The following POLK variants were observed in gnomAD, a reference collection of about 807,000 sequenced individuals.
POLK encodes the protein polymerase (DNA directed) kappa.
A neutral mutation model predicts 94.0 loss-of-function variants in POLK; 76 were observed. The observed-to-expected ratio is 0.81, with a 90% CI of 0.67 to 0.98. The LOEUF is 0.98. Among genes scored for constraint, POLK ranks in the 50% least tolerant of loss-of-function variants. POLK has a pLI of 0.00. For synonymous variants in POLK, 349 were observed against 325.4 expected (o/e 1.07, Z -0.78); for missense variants, 954 against 1,010.1 (o/e 0.94, Z 0.75).
intron 1 of POLK, among the ~76,000 whole-genome samples, chr5:75,522,616 T>G (rs1315104631): frequency 2.0e-5 from 3 of 152,192 alleles, no homozygotes; most frequent in Non-Finnish European, 4.4e-5. Context: ...ATAAAAATGA[T>G]TTCTTTTCCT....
intron 1 of POLK, among the ~76,000 whole-genome samples, chr5:75,546,624 C>G (rs1770036505): frequency 9.5e-6 from 1 of 105,472 alleles, no homozygotes; most frequent in African/African-American, 3.7e-5. Context: ...CCCACCCCAC[C>G]CCCCACCCCC....
At chr5:75,514,162 G>C (rs1005199244) in intron 1 of POLK, among the ~76,000 whole-genome samples, 9 of 152,102 alleles carry the variant, frequency 5.9e-5, no homozygotes, top group Non-Finnish European at 1.3e-4. Context: ...ATGATAATCT[G>C]ACTGGGGTGC....
chr5:75,584,834 A>G (rs751546391), exon 9 of POLK: 1 of 1,601,418 alleles, frequency 6.2e-7, no homozygotes, highest in Non-Finnish European at 8.6e-7. Flanking sequence ...AACTTTACCA[A>G]CAGAGGGCAT....
Position 75,559,505 on chromosome 5 carries a change from G to GTTTTTTTTTTTTTTT in POLK, c.255+6921_255+6922insTTTTTTTTTTTTTTT, listed in dbSNP as rs1561371144. Among the ~76,000 whole-genome samples, 13 of 70,108 alleles carry GTTTTTTTTTTTTTTT rather than the reference G, an allele frequency of 1.9e-4. 1 individual carries two copies. The highest frequency in any genetic ancestry group is 8.7e-4 in the East Asian group (2 of 2,312). The allele number at this position is 70,108 out of a possible 152,430, so 46.0% of individuals were successfully genotyped here. The stretch of plus-strand genomic sequence containing the variant: ...TTGGCAATTTATTGATTTGGGGTTT[G>GTTTTTTTTTTTTTTT]TTTTTTTGTTTTGTTTTGTTTTTTT... On this transcript the variant is annotated intron_variant, in intron 3 of 14. Transcript: ENST00000241436.
intron 11 of POLK, among the ~76,000 whole-genome samples, chr5:75,592,652 G>T (rs1042944129): frequency 6.6e-6 from 1 of 151,652 alleles, no homozygotes; most frequent in East Asian, 1.9e-4. Context: ...CCAAGATCCC[G>T]CCACTGCACT....
upstream of POLK, chr5:75,511,142 C>A: frequency 3.7e-6 from 6 of 1,605,692 alleles, no homozygotes; most frequent in Non-Finnish European, 5.1e-6. Flanking sequence ...GCTCCACAGG[C>A]GGCCCAGACT....
chr5:75,586,635 T>C (rs1345447637), intron 9 of POLK, among the ~76,000 whole-genome samples: 2 of 152,202 alleles, frequency 1.3e-5, no homozygotes, highest in Non-Finnish European at 1.5e-5. Context: ...GAAGTTAATA[T>C]ACTAAACCAA....
At chr5:75,544,230 A>G (rs1444199471) in intron 1 of POLK, among the ~76,000 whole-genome samples, 3 of 152,190 alleles carry the variant, frequency 2.0e-5, no homozygotes, top group Non-Finnish European at 4.4e-5. Context: ...CATCTTTTAA[A>G]GGGCAAGGCA....
chr5:75,575,460 C>T (rs759551474), intron 5 of POLK, among the ~76,000 whole-genome samples: 3 of 152,212 alleles, frequency 2.0e-5, no homozygotes, highest in Non-Finnish European at 4.4e-5. Context: ...GGATTACAGG[C>T]ATGAGCCATC....
At chr5:75,579,228 G>A (rs1234897815) in intron 6 of POLK, among the ~76,000 whole-genome samples, 5 of 152,092 alleles carry the variant, frequency 3.3e-5, no homozygotes, top group South Asian at 2.1e-4. Context: ...TCTGCAGAAC[G>A]GGTTTATGAA....
At chr5:75,597,088 G>A in exon 13 of POLK, 2 of 1,613,052 alleles carry the variant, frequency 1.2e-6, no homozygotes, top group East Asian at 2.2e-5. Flanking sequence ...TGTGCATGTG[G>A]ATGTTTGCTT....
intron 1 of POLK, among the ~76,000 whole-genome samples, chr5:75,520,343 T>G (rs535651758): frequency 1.3e-5 from 2 of 152,330 alleles, no homozygotes; most frequent in South Asian, 4.1e-4. Context: ...ATTATAGTAT[T>G]AGAGCATCCT....
At chr5:75,527,767 G>C (rs1231193062) in intron 1 of POLK, among the ~76,000 whole-genome samples, 1 of 152,180 alleles carries the variant, frequency 6.6e-6, no homozygotes, top group Admixed American at 6.5e-5. Flanking sequence ...AAGAAGGTAA[G>C]AAGACCACTT....
chr5:75,593,251 C>G (rs1367681381), intron 11 of POLK, among the ~76,000 whole-genome samples: 1 of 151,940 alleles, frequency 6.6e-6, no homozygotes, highest in African/African-American at 2.4e-5. Context: ...CCTGCCTCAG[C>G]CTCCCCAGCC....
chr5:75,556,914 T>A (rs1770653859), intron 3 of POLK, among the ~76,000 whole-genome samples: 2 of 151,884 alleles, frequency 1.3e-5, no homozygotes, highest in Non-Finnish European at 2.9e-5. Flanking sequence ...ATAGAAAAAA[T>A]TAACTCGGGG....
At chr5:75,578,256 A>G (rs1351825865) in intron 6 of POLK, among the ~76,000 whole-genome samples, 1 of 152,136 alleles carries the variant, frequency 6.6e-6, no homozygotes, top group Non-Finnish European at 1.5e-5. Flanking sequence ...CCTGGGTTCA[A>G]GCAGTTCTCC....
chr5:75,530,396 C>CT (rs201266079), intron 1 of POLK, among the ~76,000 whole-genome samples: 725 of 61,582 alleles, frequency 0.012, 43 homozygotes, highest in African/African-American at 0.019. Context: ...TTCCCTTTTT[C>CT]TTTTTTTTTT....
chr5:75,568,418 T>C (rs1241275322), intron 3 of POLK, among the ~76,000 whole-genome samples: 1 of 152,200 alleles, frequency 6.6e-6, no homozygotes, highest in African/African-American at 2.4e-5. Flanking sequence ...TAGCCTTTCT[T>C]GCCTTGATAG....
At chr5:75,522,596 G>C (rs1313851335) in intron 1 of POLK, among the ~76,000 whole-genome samples, 1 of 152,146 alleles carries the variant, frequency 6.6e-6, no homozygotes, top group African/African-American at 2.4e-5. Context: ...TTTGAAAGCT[G>C]AAGTATGATA....
Sources: gnomAD v4.1 joint callset for allele counts (sites outside exome capture counted in the v4.1 genomes callset) on GRCh38, gnomAD v4.1.1 for gene constraint, MANE v1.5 for transcripts, NCBI Gene and HGNC (gene_info 2026-07-23, HGNC 2026-07-21) for gene names.